Variants in AMPH observed in about 807,000 individuals in gnomAD.
The protein encoded by AMPH is amphiphysin (Stiff-Mann syndrome with breast cancer 128kD autoantigen).
In AMPH, 49 loss-of-function variants were observed where a neutral mutation model predicts 99.1. That is an observed-to-expected ratio of 0.49 (90% CI 0.39 to 0.63). The LOEUF (loss-of-function observed/expected upper bound fraction) is 0.63, where lower values mean the gene tolerates loss of function less well. AMPH is among the 20% of genes least tolerant of loss of function. The pLI, the probability that AMPH is intolerant of heterozygous loss-of-function variation, is 0.00. For synonymous variants in AMPH, 314 were observed against 317.3 expected, an observed-to-expected ratio of 0.99 and a Z score of 0.11; for missense variants, 759 against 863.4, an observed-to-expected ratio of 0.88 and a Z score of 1.52.
At position 38,462,901 on chromosome 7, in the gene AMPH, T is replaced by C. The variant is rs1787503965; in HGVS notation, c.888+74A>G. ...AACTTCTCTTAAAGCCCCGGCACCGTGGGATTATCCTAGATGGGGCCACCT... is the reference window on the plus strand; with the variant it reads ...AACTTCTCTTAAAGCCCCGGCACCGCGGGATTATCCTAGATGGGGCCACCT... On this transcript the variant is annotated intron_variant, in intron 10 of 20. Transcript: ENST00000356264. The C allele has an allele frequency of 2.8e-6, 4 of 1,445,110 alleles. No individual in the cohort carries two copies. The East Asian group carries it at 7.0e-5, about 25-fold the overall frequency. 89.5% of individuals were successfully genotyped at this position (1,445,110 alleles called of 1,614,324 possible).
chr7:38,450,005 C>G (rs1786944979), intron 11 of AMPH, among the ~76,000 whole-genome samples: 1 of 152,112 alleles, frequency 6.6e-6, no homozygotes, highest in African/African-American at 2.4e-5. Context: ...ATTTAATGAA[C>G]TTAACAAGTA....
chr7:38,604,258 T>C (rs1479278656), intron 1 of AMPH, among the ~76,000 whole-genome samples: 1 of 152,150 alleles, frequency 6.6e-6, no homozygotes. Flanking sequence ...TAGCAACAGA[T>C]CTAGAAAACG....
Position 38,384,014 on chromosome 7 carries a change from G to C in AMPH, c.*804C>G, listed in dbSNP as rs1006720566. The C allele has an allele frequency of 3.3e-5, 5 of 152,546 alleles. No homozygotes were observed. The highest frequency in any genetic ancestry group is 7.3e-5 in the Non-Finnish European group (5 of 68,062). 9.4% of individuals were successfully genotyped at this position (152,546 alleles called of 1,614,324 possible). A position where few individuals can be genotyped will look rare whatever the true frequency, so the allele number is the denominator to read the frequency against. On this transcript the variant is annotated 3_prime_UTR_variant, in exon 21 of 21. Transcript: ENST00000356264. Reference sequence around the variant, plus strand: ...AGCGGCTGGACAGCTAGATAAATCAGGCCCTGCCTTCTCTGAGGGTGCCTC... The same window carrying C: ...AGCGGCTGGACAGCTAGATAAATCACGCCCTGCCTTCTCTGAGGGTGCCTC...
chr7:38,578,303 C>G (rs1448029172), intron 1 of AMPH, among the ~76,000 whole-genome samples: 4 of 152,198 alleles, frequency 2.6e-5, no homozygotes, highest in African/African-American at 7.2e-5. Flanking sequence ...AATACAAGGA[C>G]TTAGCAAGTT....
At chr7:38,456,608 C>T (rs1227539426) in intron 11 of AMPH, among the ~76,000 whole-genome samples, 1 of 152,310 alleles carries the variant, frequency 6.6e-6, no homozygotes, top group East Asian at 1.9e-4. Context: ...TGGCACACCC[C>T]ACCTGTCATA....
At chr7:38,397,925 T>C (rs1784718162) in intron 17 of AMPH, among the ~76,000 whole-genome samples, 1 of 152,076 alleles carries the variant, frequency 6.6e-6, no homozygotes, top group Admixed American at 6.6e-5. Context: ...TCACTGATCA[T>C]CAGAGAAATG....
chr7:38,629,567 C>T (rs1202728529), intron 1 of AMPH, among the ~76,000 whole-genome samples: 1 of 152,192 alleles, frequency 6.6e-6, no homozygotes, highest in African/African-American at 2.4e-5. Flanking sequence ...TTATTTTGAG[C>T]ATATTAACAG....
At chr7:38,419,472 G>A (rs1785510002) in intron 16 of AMPH, among the ~76,000 whole-genome samples, 1 of 152,132 alleles carries the variant, frequency 6.6e-6, no homozygotes, top group South Asian at 2.1e-4. Context: ...GCTTTAAGAG[G>A]TGGCCTGACA....
At chr7:38,465,625 G>C in intron 8 of AMPH, 76 bp from the exon 9 acceptor site, 1 of 1,313,240 alleles carries the variant, frequency 7.6e-7, no homozygotes, top group Non-Finnish European at 1.1e-6. Context: ...CCCCAAGAAA[G>C]AAATTGCTTA....
chr7:38,517,821 G>T (rs1229814493), intron 2 of AMPH, among the ~76,000 whole-genome samples: 2 of 152,164 alleles, frequency 1.3e-5, no homozygotes, highest in African/African-American at 4.8e-5. Flanking sequence ...TAAGGGTATA[G>T]CCACGTGATC....
intron 2 of AMPH, among the ~76,000 whole-genome samples, chr7:38,507,570 G>A (rs1003234650): frequency 4.6e-5 from 7 of 152,232 alleles, no homozygotes; most frequent in Admixed American, 6.5e-5. Context: ...AATAGCAGAT[G>A]TTTGAAATTA....
chr7:38,433,341 T>C (rs976502286), intron 12 of AMPH, among the ~76,000 whole-genome samples: 49 of 152,194 alleles, frequency 3.2e-4, no homozygotes, highest in African/African-American at 8.7e-4. Flanking sequence ...AACAGCTCCA[T>C]GGAAAGCCAC....
intron 1 of AMPH, among the ~76,000 whole-genome samples, chr7:38,542,625 T>C (rs1037147919): frequency 3.3e-5 from 5 of 152,158 alleles, no homozygotes; most frequent in Non-Finnish European, 5.9e-5. Context: ...ATACAGATTC[T>C]TCAGGCAGTT....
intron 1 of AMPH, among the ~76,000 whole-genome samples, chr7:38,536,410 C>A (rs555354814): frequency 1.3e-5 from 2 of 152,252 alleles, no homozygotes; most frequent in East Asian, 3.9e-4. Context: ...ACCTAAGTAT[C>A]AAAGTAGTTA....
At position 38,404,821 on chromosome 7, in the gene AMPH, T is replaced by C. The variant is rs77098424; in HGVS notation, c.1399-10607A>G. On this transcript the variant is annotated intron_variant, in intron 17 of 20. Coordinates refer to ENST00000356264, the MANE Select transcript of AMPH (RefSeq NM_001635.4). Reference sequence around the variant, plus strand: ...TTCAGAAAAGTTTTCCTGATCTTGATAGAGAAGTATTTATTCAGATACAAA... The same window carrying C: ...TTCAGAAAAGTTTTCCTGATCTTGACAGAGAAGTATTTATTCAGATACAAA... Among the ~76,000 whole-genome samples, 607 of 152,212 alleles carry C rather than the reference T, an allele frequency of 4.0e-3. 3 individuals are homozygous for C. Among genetic ancestry groups the C allele is most frequent in the Non-Finnish European group, 6.0e-3 (406 of 68,002 alleles).
At chr7:38,558,892 C>A (rs1391945481) in intron 1 of AMPH, among the ~76,000 whole-genome samples, 1 of 152,146 alleles carries the variant, frequency 6.6e-6, no homozygotes, top group Non-Finnish European at 1.5e-5. Context: ...AAGAAACAGA[C>A]CTGCATAAAG....
intron 2 of AMPH, among the ~76,000 whole-genome samples, chr7:38,522,726 A>G (rs995866319): frequency 4.6e-5 from 7 of 152,200 alleles, no homozygotes; most frequent in African/African-American, 1.4e-4. Flanking sequence ...GGCTGGTTAC[A>G]TAAGGGAGAC....
At chr7:38,471,274 A>G (rs1190084915) in intron 7 of AMPH, among the ~76,000 whole-genome samples, 2 of 152,174 alleles carry the variant, frequency 1.3e-5, no homozygotes, top group Non-Finnish European at 2.9e-5. Context: ...AGCCTAGAAT[A>G]TCCTTTTCAC....
intron 10 of AMPH, among the ~76,000 whole-genome samples, chr7:38,462,309 T>C (rs545588520): frequency 1.4e-4 from 22 of 152,320 alleles, no homozygotes; most frequent in African/African-American, 5.1e-4. Context: ...CTACTTACGA[T>C]GGGTTTATCA....
Sources: gnomAD v4.1 joint callset for allele counts (sites outside exome capture counted in the v4.1 genomes callset) on GRCh38, gnomAD v4.1.1 for gene constraint, MANE v1.5 for transcripts, NCBI Gene and HGNC (gene_info 2026-07-23, HGNC 2026-07-21) for gene names.